NTS: variants seen among roughly 807,000 people sequenced by gnomAD.
NTS encodes neurotensin/neuromedin N.
A neutral mutation model predicts 19.5 loss-of-function variants in NTS; 20 were observed. That is an observed-to-expected ratio of 1.02 (90% CI 0.72 to 1.49). The LOEUF (loss-of-function observed/expected upper bound fraction) is 1.49. Ranked by LOEUF, NTS falls within the 40% of genes most tolerant of loss-of-function variation. The pLI is 0.00. For synonymous variants in NTS, 71 were observed against 63.3 expected (o/e 1.12, Z -0.58); for missense variants, 215 against 193.1 (o/e 1.11, Z -0.67).
Position 85,882,616 on chromosome 12 carries a change from G to T in NTS, c.*241G>T. 3.1e-6 allele frequency: 1 copy of T among 327,592 alleles called. No homozygotes were observed. The highest frequency in any genetic ancestry group is 5.5e-6 in the Non-Finnish European group (1 of 182,142). 20.3% of individuals were successfully genotyped at this position (327,592 alleles called of 1,614,324 possible). On this transcript the variant is annotated 3_prime_UTR_variant, in exon 4 of 4. Transcript: ENST00000256010. ...ATATTAATTAAGTCACCTGTATAAT[G>T]TTTTGTAATTTTGCAAAACATATCT...
rs760589809 is a variant in NTS at position 85,876,650 on chromosome 12, G to A, written c.84G>A (p.Glu28=). 6 of 1,583,090 alleles carry A rather than the reference G, an allele frequency of 3.8e-6. No individual in the cohort carries two copies. In the South Asian group the frequency reaches 4.6e-5, roughly 12 times the overall value. ...TTTGATTTTACTCAGATTCAGAAGA[G>A]GAAATGAAAGCATTAGAAGCAGATT... is the stretch of plus-strand genomic sequence containing the variant. ...SSWSLCSDSE[E]EMKALEADFL... is the part of the protein sequence containing the mutation. Residue 28 remains glutamate (E), a synonymous_variant, in exon 2 of 4, where the codon GAG becomes GAA. Transcript: ENST00000256010.
At position 85,882,445 on chromosome 12, in the gene NTS, T is replaced by G. The variant is rs564105679; in HGVS notation, c.*70T>G. On this transcript the variant is annotated 3_prime_UTR_variant, in exon 4 of 4. Coordinates refer to ENST00000256010, the MANE Select transcript of NTS (RefSeq NM_006183.5). ...TTAATTAAATATCAAATTATATTTG[T>G]GTGAAAATGTGACAAACACACTTAT... 49 of 1,210,504 alleles carry G rather than the reference T, an allele frequency of 4.0e-5. No individual in the cohort carries two copies. In the East Asian group the frequency reaches 1.1e-3, roughly 28 times the overall value. The allele number at this position is 1,210,504 out of a possible 1,614,324, so 75.0% of individuals were successfully genotyped here.
intron 2 of NTS, among the ~76,000 whole-genome samples, chr12:85,877,082 AG>A (rs2136590165): frequency 6.6e-6 from 1 of 152,246 alleles, no homozygotes. Flanking sequence ...GGAAATAAAA[AG>A]GTGTTCCTAA....
At position 85,874,447 on chromosome 12, in the gene NTS, T is replaced by C. The variant is rs1371630579; in HGVS notation, c.44T>C (p.Leu15Pro). 1.2e-6 allele frequency: 2 copies of C among 1,613,380 alleles called. No homozygotes were observed. Among genetic ancestry groups the C allele is most frequent in the African/African-American group, 1.3e-5 (1 of 75,036 alleles). The change falls in exon 1 of 4, where the codon CTG (leucine) becomes CCG (proline). Residue 15 changes from leucine (L) to proline (P), a missense_variant. Transcript: ENST00000256010. ...ATCCAGCTTGTATGCATGCTACTCCTGGCTTTCAGCTCCTGGAGTCTGTGC... is the reference window on the plus strand; with the variant it reads ...ATCCAGCTTGTATGCATGCTACTCCCGGCTTTCAGCTCCTGGAGTCTGTGC... Reference protein sequence around the residue: ...MKIQLVCMLLLAFSSWSLCSD... With the variant: ...MKIQLVCMLLPAFSSWSLCSD...
chr12:85,881,889 A>C (rs1881510988), intron 3 of NTS, among the ~76,000 whole-genome samples: 1 of 152,070 alleles, frequency 6.6e-6, no homozygotes, highest in Admixed American at 6.6e-5. Context: ...AAGTACTCAA[A>C]GGTCTATTTG....
In NTS at chr12:85,879,349, TATATAAAAC is replaced by T. The variant is rs370981770; in HGVS notation, c.360+785_360+793del. 2.3e-5 allele frequency among the ~76,000 whole-genome samples: 2 copies of T among 88,342 alleles called. 1 individual carries two copies. The highest frequency in any genetic ancestry group is 1.0e-4 in the African/African-American group (2 of 19,250). The allele number at this position is 88,342 out of a possible 152,430, so 58.0% of individuals were successfully genotyped here. ...ATGTATATTTTATGTATATTTTATG[TATATAAAAC>T]ATATTTTATGTATATAAAATATATT... On this transcript the variant is annotated intron_variant, in intron 3 of 3. Transcript: ENST00000256010.
chr12:85,879,889 TA>T (rs1881463879), intron 3 of NTS, among the ~76,000 whole-genome samples: 1 of 146,580 alleles, frequency 6.8e-6, no homozygotes, highest in African/African-American at 2.5e-5. Flanking sequence ...ATAAAATATA[TA>T]AAAATATATT....
In NTS at chr12:85,882,797, C is replaced by T. The variant is rs1376996700; in HGVS notation, c.*422C>T. The T allele has an allele frequency of 6.6e-6, 1 of 152,326 alleles. No individual in the cohort carries two copies. The highest frequency in any genetic ancestry group is 1.5e-5 in the Non-Finnish European group (1 of 68,192). 9.4% of individuals were successfully genotyped at this position (152,326 alleles called of 1,614,324 possible). ...GAATGTTTTATGGAATTGAAAGAAA[C>T]ATACGTTCTTTTCAAGACTTCCTCA... On this transcript the variant is annotated 3_prime_UTR_variant, in exon 4 of 4. Coordinates refer to ENST00000256010, the MANE Select transcript of NTS (RefSeq NM_006183.5).
chr12:85,880,738 G>A (rs1038015551), intron 3 of NTS, among the ~76,000 whole-genome samples: 2 of 152,128 alleles, frequency 1.3e-5, no homozygotes, highest in African/African-American at 4.8e-5. Flanking sequence ...GGATCACGAG[G>A]TCAAGAGATG....
At chr12:85,876,368 C>A (rs1054805618) in intron 1 of NTS, among the ~76,000 whole-genome samples, 4 of 151,752 alleles carry the variant, frequency 2.6e-5, no homozygotes, top group African/African-American at 9.7e-5. Context: ...ATTTTTAAAG[C>A]CTGAAATTCA....
At chr12:85,876,560 T>C (rs1051923089) in intron 1 of NTS, 80 bp from the exon 2 acceptor site, 4 of 817,564 alleles carry the variant, frequency 4.9e-6, no homozygotes, top group Non-Finnish European at 7.4e-6. Flanking sequence ...GATTTTTTTT[T>C]AGATTAACCT....
chr12:85,878,274 C>A, intron 2 of NTS, 71 bp from the exon 3 acceptor site: 1 of 1,084,926 alleles, frequency 9.2e-7, no homozygotes, highest in Non-Finnish European at 1.3e-6. Flanking sequence ...GATGGTTTAG[C>A]ACACTAGGAA....
At chr12:85,875,578 C>T (rs1881323414) in intron 1 of NTS, among the ~76,000 whole-genome samples, 1 of 151,900 alleles carries the variant, frequency 6.6e-6, no homozygotes, top group African/African-American at 2.4e-5. Flanking sequence ...AAAAAACAAA[C>T]TTTTCTATAA....
chr12:85,878,225 A>G (rs2136591044), intron 2 of NTS, 120 bp from the exon 3 acceptor site: 1 of 679,552 alleles, frequency 1.5e-6, no homozygotes, highest in Non-Finnish European at 2.6e-6. Flanking sequence ...AAATAACACT[A>G]TATTTATTAG....
At chr12:85,875,173 T>C (rs1317616643) in intron 1 of NTS, among the ~76,000 whole-genome samples, 2 of 152,146 alleles carry the variant, frequency 1.3e-5, no homozygotes, top group African/African-American at 4.8e-5. Flanking sequence ...TATTTGACTT[T>C]AGAGTGTTTT....
chr12:85,879,155 T>TA (rs1427860667), intron 3 of NTS, among the ~76,000 whole-genome samples: 16 of 142,648 alleles, frequency 1.1e-4, no homozygotes, highest in African/African-American at 4.0e-4. Flanking sequence ...AAAATATATT[T>TA]TTATGTATAT....
Position 85,878,332 on chromosome 12 carries a change from T to C in NTS, c.136-13T>C, listed in dbSNP as rs190423355. 6.5e-7 allele frequency: 1 copy of C among 1,546,046 alleles called. No individual in the cohort carries two copies. Among genetic ancestry groups the C allele is most frequent in the Non-Finnish European group, 8.8e-7 (1 of 1,141,570 alleles). Reference sequence around the variant, plus strand: ...CAAGTTTTAATTGCAGGGGTTTTTTTAATATATTTCAGATTAGTAAAGCAC... The same window carrying C: ...CAAGTTTTAATTGCAGGGGTTTTTTCAATATATTTCAGATTAGTAAAGCAC... On this transcript the variant is annotated splice_polypyrimidine_tract_variant and intron_variant, in intron 2 of 3. Coordinates refer to ENST00000256010, the MANE Select transcript of NTS (RefSeq NM_006183.5).
intron 1 of NTS, 139 bp downstream of exon 1, chr12:85,874,615 G>T (rs1427064639): frequency 3.7e-6 from 2 of 534,830 alleles, no homozygotes; most frequent in Non-Finnish European, 6.8e-6. Flanking sequence ...GACAGAAACT[G>T]AGTATCTCTT....
At chr12:85,876,387 A>T (rs935242709) in intron 1 of NTS, among the ~76,000 whole-genome samples, 1 of 151,950 alleles carries the variant, frequency 6.6e-6, no homozygotes, top group Admixed American at 6.6e-5. Context: ...CAAAGATTAA[A>T]CAACTCCCAG....
Sources: allele counts gnomAD v4.1 joint callset (sites outside exome capture counted in the v4.1 genomes callset), GRCh38; gene constraint gnomAD v4.1.1; transcripts MANE v1.5; gene names NCBI Gene and HGNC (gene_info 2026-07-23, HGNC 2026-07-21).